SPACA7: variants seen among roughly 807,000 people sequenced by gnomAD.
SPACA7 encodes the protein sperm acrosome-associated protein 7.
Under a neutral mutation model 26.3 loss-of-function variants are expected in SPACA7, and 19 were observed. The observed-to-expected ratio is 0.72, with a 90% CI of 0.50 to 1.06. The LOEUF (loss-of-function observed/expected upper bound fraction) is 1.06. Ranked by LOEUF, SPACA7 falls within the 50% of genes least tolerant of loss-of-function variation. The probability of loss-of-function intolerance (pLI) is 0.00; values close to 1 mark genes in which losing one functional copy is unlikely to be tolerated. For synonymous variants in SPACA7, 84 were observed against 84.5 expected (o/e 0.99, Z 0.04); for missense variants, 211 against 229.9 (o/e 0.92, Z 0.53).
chr13:112,400,824 G>A (rs1263279276), intron 4 of SPACA7, among the ~76,000 whole-genome samples: 4 of 152,136 alleles, frequency 2.6e-5, no homozygotes, highest in African/African-American at 9.7e-5. Flanking sequence ...TTATCTCCAG[G>A]GTCAATTCTT....
At chr13:112,395,012 C>T (rs1016271704) in intron 2 of SPACA7, among the ~76,000 whole-genome samples, 2 of 152,224 alleles carry the variant, frequency 1.3e-5, no homozygotes, top group Admixed American at 6.5e-5. Flanking sequence ...GCGAAGCCCA[C>T]CCAGGCAGGC....
Position 112,376,438 on chromosome 13 carries a change from G to A in SPACA7, c.53G>A (p.Cys18Tyr), listed in dbSNP as rs527965970. 1.9e-6 allele frequency: 3 copies of A among 1,613,730 alleles called. No homozygotes were observed. Among genetic ancestry groups the A allele is most frequent in the Middle Eastern group, 3.3e-4 (2 of 6,084 alleles). Residue 18 changes from cysteine (C) to tyrosine (Y), a missense_variant, in exon 1 of 7, where the codon TGT (cysteine) becomes TAT (tyrosine). Physicochemically the swap from Cys to Tyr is radical, Grantham distance 194. Coordinates refer to ENST00000283550, the MANE Select transcript of SPACA7 (RefSeq NM_145248.5). ...GTLCFVLLLCCWQETELRPRT... is the reference protein window; with the variant it reads ...GTLCFVLLLCYWQETELRPRT... Reference sequence around the variant, plus strand: ...CTCTGCTTTGTCCTCCTGCTGTGCTGTTGGCAAGAAACTGAGCTCCGGCCG... The same window carrying A: ...CTCTGCTTTGTCCTCCTGCTGTGCTATTGGCAAGAAACTGAGCTCCGGCCG...
At chr13:112,421,219 A>AAGAT (rs1443829527) in intron 5 of SPACA7, among the ~76,000 whole-genome samples, 3 of 140,248 alleles carry the variant, frequency 2.1e-5, no homozygotes, top group Non-Finnish European at 4.5e-5. Flanking sequence ...GAAAGAAAGA[A>AAGAT]ACATGCAAAA....
At chr13:112,414,065 A>G (rs1230908910) in intron 5 of SPACA7, among the ~76,000 whole-genome samples, 1 of 152,122 alleles carries the variant, frequency 6.6e-6, no homozygotes, top group Non-Finnish European at 1.5e-5. Context: ...CCAAAAGATC[A>G]AGAACTCATT....
chr13:112,382,338 T>A, intron 1 of SPACA7: 1 of 1,343,816 alleles, frequency 7.4e-7, no homozygotes, highest in Non-Finnish European at 1.0e-6. Context: ...GACCTCATGG[T>A]CCGCCCGCCT....
At chr13:112,407,988 G>A (rs1052773272) in intron 5 of SPACA7, among the ~76,000 whole-genome samples, 1 of 152,094 alleles carries the variant, frequency 6.6e-6, no homozygotes, top group South Asian at 2.1e-4. Context: ...CTGGCAAACC[G>A]AATCCAGCAG....
At chr13:112,397,545 G>A (rs1409942329) in intron 2 of SPACA7, among the ~76,000 whole-genome samples, 1 of 152,206 alleles carries the variant, frequency 6.6e-6, no homozygotes, top group African/African-American at 2.4e-5. Flanking sequence ...TCTGGTGGGA[G>A]CAGAGCCCGT....
In SPACA7 at chr13:112,432,103, C is replaced by T. The variant is rs541603704; in HGVS notation, c.446-341C>T. ...ATCCACAGAAGGGAGCCCTGCTCAC[C>T]ACCAGCAGTGGGGAGCCCTTAGGAC... On this transcript the variant is annotated intron_variant, in intron 5 of 6. Coordinates refer to ENST00000283550, the MANE Select transcript of SPACA7 (RefSeq NM_145248.5). 1.1e-3 allele frequency among the ~76,000 whole-genome samples: 172 copies of T among 152,338 alleles called. 1 individual carries two copies. Among genetic ancestry groups the T allele is most frequent in the Admixed American group, 2.2e-3 (34 of 15,312 alleles).
At chr13:112,427,677 A>G (rs1876665266) in intron 5 of SPACA7, among the ~76,000 whole-genome samples, 1 of 152,176 alleles carries the variant, frequency 6.6e-6, no homozygotes, top group South Asian at 2.1e-4. Context: ...ATCTGGGCCT[A>G]TATTTTCTTT....
intron 4 of SPACA7, 129 bp downstream of exon 4, chr13:112,399,302 C>T (rs1054813670): frequency 5.9e-5 from 40 of 682,520 alleles, no homozygotes; most frequent in Admixed American, 3.1e-4. Flanking sequence ...GTGCCCACTT[C>T]CCCTGGTTGG....
intron 1 of SPACA7, among the ~76,000 whole-genome samples, chr13:112,383,154 AAAGAAAGAAAGAAAGAAAGAAAGAAAG>A (rs1884279852): frequency 1.5e-5 from 2 of 133,122 alleles, no homozygotes; most frequent in Admixed American, 7.4e-5. Flanking sequence ...AGAAAGAAAG[AAAGAAAGAAAGAAAGAAAGAAAGAAAG>A]AAAGAAAGAA....
At chr13:112,406,778 G>A (rs893153538) in intron 5 of SPACA7, among the ~76,000 whole-genome samples, 8 of 152,138 alleles carry the variant, frequency 5.3e-5, no homozygotes. Flanking sequence ...TATGTGGATT[G>A]TGTTACATTC....
chr13:112,386,430 G>A (rs1884529716), intron 1 of SPACA7, among the ~76,000 whole-genome samples: 1 of 152,158 alleles, frequency 6.6e-6, no homozygotes, highest in South Asian at 2.1e-4. Flanking sequence ...CTTTTATTTT[G>A]AGAGGGATTT....
chr13:112,432,234 G>A (rs1877220766), intron 5 of SPACA7, among the ~76,000 whole-genome samples: 1 of 152,208 alleles, frequency 6.6e-6, no homozygotes, highest in Non-Finnish European at 1.5e-5. Context: ...TCGGCACCAA[G>A]CCACACTTTC....
intron 1 of SPACA7, among the ~76,000 whole-genome samples, chr13:112,379,178 G>A (rs1188236669): frequency 6.6e-6 from 1 of 152,104 alleles, no homozygotes; most frequent in Non-Finnish European, 1.5e-5. Flanking sequence ...TTGATCTTGG[G>A]TTAGCAGGTT....
chr13:112,431,377 GT>G (rs1877123797), intron 5 of SPACA7, among the ~76,000 whole-genome samples: 1 of 152,094 alleles, frequency 6.6e-6, no homozygotes, highest in Non-Finnish European at 1.5e-5. Context: ...AAGTTTCATG[GT>G]TCATAATATC....
At chr13:112,391,550 A>G (rs759824372) in intron 1 of SPACA7, among the ~76,000 whole-genome samples, 2 of 152,234 alleles carry the variant, frequency 1.3e-5, no homozygotes, top group Admixed American at 6.5e-5. Flanking sequence ...GAGAAAGAGC[A>G]GTGGATTCTT....
intron 6 of SPACA7, among the ~76,000 whole-genome samples, chr13:112,434,155 G>A (rs984923509): frequency 2.0e-5 from 3 of 152,178 alleles, no homozygotes; most frequent in African/African-American, 7.2e-5. Context: ...GACATCCCAG[G>A]AATGAGATCC....
At chr13:112,428,393 A>G (rs1395106525) in intron 5 of SPACA7, among the ~76,000 whole-genome samples, 1 of 152,202 alleles carries the variant, frequency 6.6e-6, no homozygotes, top group African/African-American at 2.4e-5. Flanking sequence ...CAGCCTGGCC[A>G]AAATGATGAA....
Sources: allele counts gnomAD v4.1 joint callset (sites outside exome capture counted in the v4.1 genomes callset), GRCh38; gene constraint gnomAD v4.1.1; transcripts MANE v1.5; gene names NCBI Gene and HGNC (gene_info 2026-07-23, HGNC 2026-07-21).